Variants in ZFHX3 observed in about 807,000 individuals in gnomAD.
The protein encoded by ZFHX3 is zinc finger homeobox 3.
ZFHX3 carries 42 observed loss-of-function variants against 279.1 expected under a neutral mutation model. That is an observed-to-expected ratio of 0.15 (90% CI 0.12 to 0.19). The LOEUF (loss-of-function observed/expected upper bound fraction) is 0.19, where lower values mean the gene tolerates loss of function less well. Among genes scored for constraint, ZFHX3 ranks in the 10% least tolerant of loss-of-function variants. The probability of loss-of-function intolerance (pLI) is 1.00; values close to 1 mark genes in which losing one functional copy is unlikely to be tolerated. For synonymous variants in ZFHX3, 2,293 were observed against 1,957.8 expected (o/e 1.17, Z -4.52); for missense variants, 4,981 against 4,754.0 (o/e 1.05, Z -1.40).
Position 72,785,730 on chromosome 16 carries a change from A to G in ZFHX3, c.*1434T>C, listed in dbSNP as rs1488301888. ...TTTTAGAAAAGAAAAGTACACAGCC[A>G]ATTACACAAATGGAAACAAATCCTT... On this transcript the variant is annotated 3_prime_UTR_variant, in exon 10 of 10. Coordinates refer to ENST00000268489, the MANE Select transcript of ZFHX3 (RefSeq NM_006885.4). 6.6e-6 allele frequency: 1 copy of G among 152,066 alleles called. No homozygotes were observed. Among genetic ancestry groups the G allele is most frequent in the African/African-American group, 2.4e-5 (1 of 41,416 alleles). 9.4% of individuals were successfully genotyped at this position (152,066 alleles called of 1,614,324 possible). A position where few individuals can be genotyped will look rare whatever the true frequency, so the allele number is the denominator to read the frequency against.
At chr16:73,288,125 G>C (rs368342635) in intron 4 of ZFHX3, among the ~76,000 whole-genome samples, 5 of 151,808 alleles carry the variant, frequency 3.3e-5, no homozygotes, top group African/African-American at 1.2e-4. Flanking sequence ...AAGGAGGAGG[G>C]TGGGGGTCTG....
chr16:73,097,804 C>A (rs1236599628), intron 7 of ZFHX3, among the ~76,000 whole-genome samples: 1 of 152,206 alleles, frequency 6.6e-6, no homozygotes, highest in Non-Finnish European at 1.5e-5. Context: ...CTATTCTGAA[C>A]ATTTCACATA....
At chr16:72,989,341 GC>G (rs1185532186) in intron 1 of ZFHX3, among the ~76,000 whole-genome samples, 1 of 151,984 alleles carries the variant, frequency 6.6e-6, no homozygotes, top group East Asian at 1.9e-4. Flanking sequence ...TATTAGCCAG[GC>G]GTGGTGCTGC....
At chr16:73,610,818 C>T (rs2052237271) in intron 2 of ZFHX3, among the ~76,000 whole-genome samples, 1 of 152,194 alleles carries the variant, frequency 6.6e-6, no homozygotes, top group Non-Finnish European at 1.5e-5. Context: ...TGGGTGACAA[C>T]AATTTTGGCT....
At chr16:73,095,058 G>C (rs568283854) in intron 7 of ZFHX3, among the ~76,000 whole-genome samples, 1 of 151,956 alleles carries the variant, frequency 6.6e-6, no homozygotes, top group Admixed American at 6.6e-5. Flanking sequence ...TAAAAATCCT[G>C]AAAACCAGCT....
chr16:72,807,482 A>G (rs1597257274), intron 7 of ZFHX3: 1 of 152,240 alleles, frequency 6.6e-6, no homozygotes, highest in East Asian at 1.9e-4. Context: ...GATGCAGAGC[A>G]TAAGCAAGCA....
intron 4 of ZFHX3, among the ~76,000 whole-genome samples, chr16:72,859,484 T>C (rs768588884): frequency 6.6e-6 from 1 of 152,184 alleles, no homozygotes; most frequent in Admixed American, 6.5e-5. Flanking sequence ...ATGTTTAAAG[T>C]CTCTGGAAGT....
At chr16:73,552,855 A>G (rs2020221873) in intron 2 of ZFHX3, among the ~76,000 whole-genome samples, 1 of 152,216 alleles carries the variant, frequency 6.6e-6, no homozygotes, top group Non-Finnish European at 1.5e-5. Context: ...AAAATAACAT[A>G]CCAGTTAACA....
intron 4 of ZFHX3, among the ~76,000 whole-genome samples, chr16:72,832,933 T>C (rs557527332): frequency 7.2e-5 from 11 of 152,270 alleles, no homozygotes; most frequent in African/African-American, 2.2e-4. Context: ...AGAGGAAAAA[T>C]AGCTCTTTAA....
chr16:73,623,868 G>A (rs1391171723), intron 2 of ZFHX3, among the ~76,000 whole-genome samples: 1 of 152,194 alleles, frequency 6.6e-6, no homozygotes, highest in East Asian at 1.9e-4. Flanking sequence ...CCCTTAAAAT[G>A]ATGTACTACA....
chr16:73,004,085 G>A (rs1435447737), intron 1 of ZFHX3, among the ~76,000 whole-genome samples: 6 of 141,530 alleles, frequency 4.2e-5, no homozygotes, highest in African/African-American at 1.6e-4. Context: ...TTCATGAATT[G>A]TCCATTTGTG....
intron 1 of ZFHX3, among the ~76,000 whole-genome samples, chr16:73,850,123 T>C (rs13330581): frequency 0.026 from 3,971 of 152,268 alleles, 198 homozygotes; most frequent in African/African-American, 0.089. Flanking sequence ...CTAGAAACCA[T>C]GGCTTCCTTT....
At chr16:73,269,613 C>T (rs932973899) in intron 4 of ZFHX3, among the ~76,000 whole-genome samples, 1 of 152,088 alleles carries the variant, frequency 6.6e-6, no homozygotes, top group South Asian at 2.1e-4. Flanking sequence ...TAACCTTCCA[C>T]GAATATTCAT....
At chr16:73,669,508 G>T (rs2052880766) in intron 2 of ZFHX3, among the ~76,000 whole-genome samples, 2 of 152,216 alleles carry the variant, frequency 1.3e-5, no homozygotes, top group Admixed American at 1.3e-4. Context: ...AGGGAAGCTT[G>T]TAAGTTTTTA....
chr16:73,553,164 T>C (rs573862780), intron 2 of ZFHX3, among the ~76,000 whole-genome samples: 1 of 151,354 alleles, frequency 6.6e-6, no homozygotes, highest in East Asian at 1.9e-4. Flanking sequence ...TGTTTTAAAT[T>C]GCTACCTGGA....
At chr16:73,026,693 A>AAAAAAAAAAAAAAAAAC (rs201116956) in intron 1 of ZFHX3, among the ~76,000 whole-genome samples, 2 of 144,642 alleles carry the variant, frequency 1.4e-5, no homozygotes, top group Non-Finnish European at 3.0e-5. Flanking sequence ...AAAAAAAAAA[A>AAAAAAAAAAAAAAAAAC]AACACATAGT....
intron 3 of ZFHX3, among the ~76,000 whole-genome samples, chr16:73,435,457 G>C (rs1388339697): frequency 6.6e-6 from 1 of 152,134 alleles, no homozygotes; most frequent in Admixed American, 6.6e-5. Context: ...TGATCTGCCT[G>C]CCTCGGCCTC....
At chr16:73,518,324 T>G (rs2019557118) in intron 2 of ZFHX3, among the ~76,000 whole-genome samples, 1 of 152,250 alleles carries the variant, frequency 6.6e-6, no homozygotes, top group South Asian at 2.1e-4. Context: ...AGGTCTTATT[T>G]CCCTGAATAA....
chr16:73,765,348 T>C (rs2053919555), intron 1 of ZFHX3, among the ~76,000 whole-genome samples: 1 of 152,240 alleles, frequency 6.6e-6, no homozygotes, highest in Admixed American at 6.5e-5. Flanking sequence ...CTTTACCTTT[T>C]TAAAAATGTG....
Sources: gnomAD v4.1 joint callset for allele counts (sites outside exome capture counted in the v4.1 genomes callset) on GRCh38, gnomAD v4.1.1 for gene constraint, MANE v1.5 for transcripts, NCBI Gene and HGNC (gene_info 2026-07-23, HGNC 2026-07-21) for gene names.